The following MALRD1 variants were observed in gnomAD, a reference collection of about 807,000 sequenced individuals.
The protein encoded by MALRD1 is MAM and LDL-receptor class A domain-containing protein 1.
In MALRD1, 247 loss-of-function variants were observed where a neutral mutation model predicts 242.1. The ratio of observed to expected loss-of-function variants is 1.02; its 90% CI spans 0.92 to 1.13. The LOEUF (loss-of-function observed/expected upper bound fraction) is 1.13. Ranked by LOEUF, MALRD1 falls within the 50% of genes most tolerant of loss-of-function variation. The pLI is 0.00. For missense variants in MALRD1, 2,989 were observed against 2,533.1 expected, an observed-to-expected ratio of 1.18 and a Z score of -3.86; for synonymous variants, 995 against 866.6, an observed-to-expected ratio of 1.15 and a Z score of -2.60.
chr10:19,613,974 C>T (rs541941793), intron 35 of MALRD1, among the ~76,000 whole-genome samples: 1 of 152,176 alleles, frequency 6.6e-6, no homozygotes, highest in South Asian at 2.1e-4. Context: ...GTGTTCCCAT[C>T]ACCCTTAGAA....
intron 18 of MALRD1, among the ~76,000 whole-genome samples, chr10:19,228,191 G>A (rs1426375760): frequency 1.3e-5 from 2 of 152,104 alleles, no homozygotes; most frequent in East Asian, 3.8e-4. Flanking sequence ...GGATAAACCA[G>A]TTGTATATGG....
At chr10:19,286,513 TG>T (rs1228402535) in intron 21 of MALRD1, among the ~76,000 whole-genome samples, 1 of 152,208 alleles carries the variant, frequency 6.6e-6, no homozygotes, top group Non-Finnish European at 1.5e-5. Flanking sequence ...GAGATAATCA[TG>T]TGGTTTTTGT....
intron 28 of MALRD1, among the ~76,000 whole-genome samples, chr10:19,436,851 C>G (rs1411431331): frequency 6.6e-6 from 1 of 152,104 alleles, no homozygotes; most frequent in Non-Finnish European, 1.5e-5. Context: ...GTATCTTGAG[C>G]TTAGCATTAC....
At chr10:19,073,464 A>G (rs1437803196) in intron 2 of MALRD1, among the ~76,000 whole-genome samples, 1 of 152,092 alleles carries the variant, frequency 6.6e-6, no homozygotes, top group Non-Finnish European at 1.5e-5. Context: ...GAAATTGGAA[A>G]CTTTTTGAGG....
At chr10:19,058,543 A>T (rs1834732553) in intron 1 of MALRD1, among the ~76,000 whole-genome samples, 1 of 152,290 alleles carries the variant, frequency 6.6e-6, no homozygotes, top group African/African-American at 2.4e-5. Context: ...AAAGAAGAAA[A>T]CTTTAAAAGT....
At chr10:19,251,824 TA>T (rs1564503644) in intron 18 of MALRD1, among the ~76,000 whole-genome samples, 1 of 151,986 alleles carries the variant, frequency 6.6e-6, no homozygotes. Context: ...GATTGGATCA[TA>T]GGGGCGAATT....
intron 29 of MALRD1, chr10:19,488,601 G>A (rs1393080895): frequency 1.3e-5 from 2 of 155,056 alleles, no homozygotes; most frequent in Non-Finnish European, 2.9e-5. Context: ...TAGCATCTGT[G>A]AATGCATGAA....
chr10:19,259,138 AT>A (rs1839642355), intron 19 of MALRD1, among the ~76,000 whole-genome samples: 1 of 152,178 alleles, frequency 6.6e-6, no homozygotes, highest in Non-Finnish European at 1.5e-5. Context: ...AGGTCATTCT[AT>A]TGTCAGAATC....
chr10:19,050,614 G>C lies in MALRD1; in HGVS notation c.199+1477G>C, dbSNP rs569418797. Among the ~76,000 whole-genome samples, 7 of 152,242 alleles carry C rather than the reference G, an allele frequency of 4.6e-5. No individual in the cohort carries two copies. In the South Asian group the frequency reaches 8.3e-4, roughly 18 times the overall value. On this transcript the variant is annotated intron_variant, in intron 1 of 39. Transcript: ENST00000454679. ...CTTAGTTTGGGATGGCTGTCATGCT[G>C]TTACTACTCAGTAACCATTCAATAC...
At chr10:19,467,049 C>T (rs1174788808) in intron 29 of MALRD1, among the ~76,000 whole-genome samples, 2 of 151,978 alleles carry the variant, frequency 1.3e-5, no homozygotes, top group South Asian at 2.1e-4. Context: ...CTTAGGGCTT[C>T]AGTTCAATTT....
chr10:19,376,154 A>C (rs1464090231), intron 26 of MALRD1, among the ~76,000 whole-genome samples: 1 of 152,162 alleles, frequency 6.6e-6, no homozygotes, highest in Non-Finnish European at 1.5e-5. Flanking sequence ...AAAAACAAAA[A>C]CAAAAAAAAC....
intron 12 of MALRD1, among the ~76,000 whole-genome samples, chr10:19,157,942 C>T (rs1027811708): frequency 2.6e-5 from 4 of 152,170 alleles, no homozygotes; most frequent in Non-Finnish European, 5.9e-5. Context: ...CACATGGCAT[C>T]AGCATGGACA....
intron 13 of MALRD1, among the ~76,000 whole-genome samples, chr10:19,173,751 C>T (rs548182267): frequency 6.6e-6 from 1 of 152,168 alleles, no homozygotes. Flanking sequence ...CTTACTATTA[C>T]TTCTCCACCA....
chr10:19,138,189 C>G (rs1833417167), intron 10 of MALRD1, among the ~76,000 whole-genome samples: 1 of 152,136 alleles, frequency 6.6e-6, no homozygotes, highest in African/African-American at 2.4e-5. Context: ...ATCGGCTAAC[C>G]AGTGTGAGCT....
intron 28 of MALRD1, among the ~76,000 whole-genome samples, chr10:19,419,208 C>A (rs567400033): frequency 6.6e-6 from 1 of 152,250 alleles, no homozygotes; most frequent in East Asian, 1.9e-4. Context: ...TGGTTTAAAA[C>A]ATGGTCCTCT....
rs534775497 is a variant in MALRD1, at chr10:19,681,797, T to A, written c.6138-10485T>A. The stretch of plus-strand genomic sequence containing the variant: ...TGATTCTTTCTCATCTTCATGACTT[T>A]CTCTATCTTTTGTCTTTAAGGCTAC... On this transcript the variant is annotated intron_variant, in intron 36 of 39. Coordinates refer to ENST00000454679, the MANE Select transcript of MALRD1 (RefSeq NM_001142308.3). Among the ~76,000 whole-genome samples, 130 of 152,162 alleles carry A rather than the reference T, an allele frequency of 8.5e-4. 2 individuals carry two copies. In the South Asian group the frequency reaches 0.023, roughly 27 times the overall value.
At chr10:19,481,980 C>T (rs1033930935) in intron 29 of MALRD1, among the ~76,000 whole-genome samples, 1 of 151,904 alleles carries the variant, frequency 6.6e-6, no homozygotes, top group Non-Finnish European at 1.5e-5. Context: ...TATTTTCCAT[C>T]GTGTCTGATA....
chr10:19,271,433 C>T (rs1414482355), intron 19 of MALRD1, among the ~76,000 whole-genome samples: 1 of 152,172 alleles, frequency 6.6e-6, no homozygotes, highest in Non-Finnish European at 1.5e-5. Flanking sequence ...AAAAGGACCT[C>T]CCTGATGTTT....
At chr10:19,568,115 T>A (rs1836337674) in intron 33 of MALRD1, among the ~76,000 whole-genome samples, 1 of 152,100 alleles carries the variant, frequency 6.6e-6, no homozygotes, top group African/African-American at 2.4e-5. Flanking sequence ...TAACCGTTTC[T>A]ATTGTACAAG....
Sources: allele counts gnomAD v4.1 joint callset (sites outside exome capture counted in the v4.1 genomes callset), GRCh38; gene constraint gnomAD v4.1.1; transcripts MANE v1.5; gene names NCBI Gene and HGNC (gene_info 2026-07-23, HGNC 2026-07-21).